KCTD8: variants seen among roughly 807,000 people sequenced by gnomAD.
KCTD8 encodes BTB/POZ domain-containing protein KCTD8.
KCTD8 carries 27 observed loss-of-function variants against 31.5 expected under a neutral mutation model. That is an observed-to-expected ratio of 0.86 (90% CI 0.63 to 1.18). The LOEUF is 1.18. KCTD8 is among the 50% of genes most tolerant of loss of function. KCTD8 has a pLI of 0.00. For missense variants in KCTD8, 658 were observed against 647.7 expected, an observed-to-expected ratio of 1.02 and a Z score of -0.17; for synonymous variants, 290 against 280.0, an observed-to-expected ratio of 1.04 and a Z score of -0.36.
intron 1 of KCTD8, among the ~76,000 whole-genome samples, chr4:44,320,698 GC>G (rs1162516308): frequency 6.6e-6 from 1 of 151,848 alleles, no homozygotes; most frequent in East Asian, 1.9e-4. Flanking sequence ...CAACAGTAAA[GC>G]AGTAGCTGTG....
chr4:44,408,625 G>A (rs915859871), intron 1 of KCTD8, among the ~76,000 whole-genome samples: 7 of 152,078 alleles, frequency 4.6e-5, no homozygotes, highest in African/African-American at 7.2e-5. Context: ...TAGGGTGTTT[G>A]TTTGTTTGTT....
chr4:44,281,647 T>C (rs1716907960), intron 1 of KCTD8, among the ~76,000 whole-genome samples: 1 of 152,142 alleles, frequency 6.6e-6, no homozygotes, highest in African/African-American at 2.4e-5. Context: ...TTTTCCACTA[T>C]CATTTAATTA....
chr4:44,255,927 C>T (rs539102230), intron 1 of KCTD8, among the ~76,000 whole-genome samples: 5 of 151,872 alleles, frequency 3.3e-5, no homozygotes, highest in African/African-American at 4.8e-5. Context: ...TCTGTTCTCA[C>T]GCTGCTAATA....
intron 1 of KCTD8, among the ~76,000 whole-genome samples, chr4:44,301,568 C>CT (rs937811314): frequency 6.6e-6 from 1 of 151,736 alleles, no homozygotes; most frequent in Admixed American, 6.6e-5. Flanking sequence ...GGGGTTGTTT[C>CT]TTTTTTTCTT....
At chr4:44,419,857 G>T (rs1041166050) in intron 1 of KCTD8, among the ~76,000 whole-genome samples, 2 of 151,584 alleles carry the variant, frequency 1.3e-5, no homozygotes, top group African/African-American at 2.4e-5. Flanking sequence ...TAATAAAAAT[G>T]AAAAATTAAA....
chr4:44,246,509 G>A (rs190770425), intron 1 of KCTD8, among the ~76,000 whole-genome samples: 1 of 152,070 alleles, frequency 6.6e-6, no homozygotes, highest in Admixed American at 6.6e-5. Flanking sequence ...TAAAGGAAAG[G>A]AAGTAGACTT....
chr4:44,424,928 G>A (rs2109473156), intron 1 of KCTD8, among the ~76,000 whole-genome samples: 1 of 152,032 alleles, frequency 6.6e-6, no homozygotes, highest in South Asian at 2.1e-4. Flanking sequence ...ACTGCATTTG[G>A]AAATAGGGTC....
chr4:44,447,799 G>A lies in KCTD8; in HGVS notation c.725C>T (p.Ala242Val), dbSNP rs1721982872. The A allele has an allele frequency of 6.2e-7, 1 of 1,606,382 alleles. No individual in the cohort carries two copies. Among genetic ancestry groups the A allele is most frequent in the Non-Finnish European group, 8.5e-7 (1 of 1,175,650 alleles). Residue 242 changes from alanine (A) to valine (V), a missense_variant, in exon 1 of 2, where the codon GCG becomes GTG. Physicochemically the swap from Ala to Val is moderately conservative, Grantham distance 64 (BLOSUM62 0). Coordinates refer to ENST00000360029, the MANE Select transcript of KCTD8 (RefSeq NM_198353.3). ...GTCCCCGAAGACCTCCTTGGCCAGC[G>A]CGATGCGCCCGCACACCATGATGCG... ...VARIMVCGRI[A>V]LAKEVFGDTL...
At chr4:44,181,932 C>T (rs1322332235) in intron 1 of KCTD8, among the ~76,000 whole-genome samples, 1 of 142,040 alleles carries the variant, frequency 7.0e-6, no homozygotes, top group African/African-American at 2.5e-5. Flanking sequence ...AGCCCCTCCA[C>T]CCGGCAGCCG....
chr4:44,279,292 AG>A (rs1440909903), intron 1 of KCTD8, among the ~76,000 whole-genome samples: 2 of 152,166 alleles, frequency 1.3e-5, no homozygotes, highest in African/African-American at 4.8e-5. Context: ...GATGAAACCA[AG>A]GTGTTGCATA....
intron 1 of KCTD8, among the ~76,000 whole-genome samples, chr4:44,427,441 A>G (rs914974053): frequency 2.0e-5 from 3 of 151,522 alleles, no homozygotes; most frequent in Admixed American, 2.0e-4. Context: ...ATAAAACTAC[A>G]ATGTAGATAA....
At chr4:44,440,470 A>G (rs908358246) in intron 1 of KCTD8, among the ~76,000 whole-genome samples, 5 of 152,126 alleles carry the variant, frequency 3.3e-5, no homozygotes, top group Admixed American at 6.5e-5. Context: ...CAATTATATA[A>G]AGTTTATTGT....
At chr4:44,189,691 G>A (rs779941753) in intron 1 of KCTD8, among the ~76,000 whole-genome samples, 4 of 150,944 alleles carry the variant, frequency 2.6e-5, no homozygotes, top group Non-Finnish European at 4.4e-5. Context: ...CTCTATAGCC[G>A]ACTCTACACA....
chr4:44,389,132 T>TGGTGAGGATGTTGTAAGGA (rs1720302657), intron 1 of KCTD8, among the ~76,000 whole-genome samples: 1 of 151,468 alleles, frequency 6.6e-6, no homozygotes, highest in Non-Finnish European at 1.5e-5. Context: ...CTGGGAAAGG[T>TGGTGAGGATGTTGTAAGGA]GGTGAGGATG....
chr4:44,265,485 C>T (rs188898830), intron 1 of KCTD8, among the ~76,000 whole-genome samples: 66 of 152,248 alleles, frequency 4.3e-4, no homozygotes, highest in African/African-American at 1.5e-3. Context: ...AAGCAGAGCA[C>T]CTCTCCTCCT....
rs189641443 is a variant in KCTD8, at chr4:44,297,983, T to C, written c.962-122733A>G. On this transcript the variant is annotated intron_variant, in intron 1 of 1. Coordinates refer to ENST00000360029, the MANE Select transcript of KCTD8 (RefSeq NM_198353.3). ...TTGTAATAATTGCTGCATCTATTTT[T>C]GAGACTGCCATTAGACTATGAACTC... is the stretch of plus-strand genomic sequence containing the variant. Among the ~76,000 whole-genome samples the C allele has an allele frequency of 8.5e-5, 13 of 152,306 alleles. No homozygotes were observed. In the East Asian group the frequency reaches 2.1e-3, roughly 25 times the overall value.
intron 1 of KCTD8, among the ~76,000 whole-genome samples, chr4:44,362,451 A>G (rs553642175): frequency 6.6e-6 from 1 of 152,250 alleles, no homozygotes; most frequent in South Asian, 2.1e-4. Flanking sequence ...TTTGTTCCAA[A>G]TACATAGTCT....
intron 1 of KCTD8, among the ~76,000 whole-genome samples, chr4:44,308,364 A>G (rs1051258911): frequency 6.6e-6 from 1 of 152,058 alleles, no homozygotes; most frequent in Non-Finnish European, 1.5e-5. Context: ...AAAAAGTAGA[A>G]CCTGTTCCAT....
intron 1 of KCTD8, among the ~76,000 whole-genome samples, chr4:44,270,816 A>G (rs751705524): frequency 6.6e-6 from 1 of 152,082 alleles, no homozygotes; most frequent in Non-Finnish European, 1.5e-5. Context: ...GATGATTACA[A>G]TTTTCTCTTT....
Sources: allele counts gnomAD v4.1 joint callset (sites outside exome capture counted in the v4.1 genomes callset), GRCh38; gene constraint gnomAD v4.1.1; transcripts MANE v1.5; gene names NCBI Gene and HGNC (gene_info 2026-07-23, HGNC 2026-07-21).